SMYD3: variants seen among roughly 807,000 people sequenced by gnomAD.
SMYD3 encodes the protein histone-lysine N-methyltransferase SMYD3.
In SMYD3, 36 loss-of-function variants were observed where a neutral mutation model predicts 57.7. That is an observed-to-expected ratio of 0.62 (90% confidence interval 0.48 to 0.82). The LOEUF is 0.82. Among genes scored for constraint, SMYD3 ranks in the 40% least tolerant of loss-of-function variants. The pLI is 0.00. For synonymous variants in SMYD3, 211 were observed against 195.0 expected (o/e 1.08, Z -0.68); for missense variants, 515 against 538.8 (o/e 0.96, Z 0.44).
At chr1:246,306,712 G>C (rs1335116197) in intron 5 of SMYD3, among the ~76,000 whole-genome samples, 1 of 152,084 alleles carries the variant, frequency 6.6e-6, no homozygotes, top group Non-Finnish European at 1.5e-5. Flanking sequence ...AAGCAAACTC[G>C]CTCAGATAAG....
intron 5 of SMYD3, among the ~76,000 whole-genome samples, chr1:246,317,962 T>C (rs1287486978): frequency 2.0e-5 from 3 of 152,204 alleles, no homozygotes; most frequent in Admixed American, 6.5e-5. Flanking sequence ...TTGAAGAACT[T>C]AGTATAATGG....
intron 5 of SMYD3, among the ~76,000 whole-genome samples, chr1:245,999,384 C>T (rs1184798634): frequency 1.3e-5 from 2 of 152,120 alleles, no homozygotes; most frequent in Admixed American, 1.3e-4. Context: ...ACTTGTATAA[C>T]CTTCATGGGA....
intron 5 of SMYD3, among the ~76,000 whole-genome samples, chr1:245,971,240 T>G (rs2058292401): frequency 1.3e-5 from 2 of 152,164 alleles, no homozygotes; most frequent in South Asian, 4.1e-4. Context: ...AAGTGGGAGT[T>G]GCACAATGAG....
intron 1 of SMYD3, among the ~76,000 whole-genome samples, chr1:246,457,198 T>G (rs1402505374): frequency 6.6e-6 from 1 of 151,644 alleles, no homozygotes; most frequent in Non-Finnish European, 1.5e-5. Flanking sequence ...TTTCGAGAGG[T>G]GAATGTTCAA....
At chr1:246,491,557 A>AG (rs2068272201) in intron 1 of SMYD3, among the ~76,000 whole-genome samples, 5 of 146,804 alleles carry the variant, frequency 3.4e-5, no homozygotes, top group East Asian at 1.9e-4. Context: ...AAAAAAAAAA[A>AG]AAAGAGAGAG....
chr1:246,251,186 G>C (rs530802713), intron 5 of SMYD3, among the ~76,000 whole-genome samples: 22 of 152,206 alleles, frequency 1.4e-4, no homozygotes, highest in African/African-American at 5.1e-4. Flanking sequence ...GTTGGGAGCA[G>C]GGGTTGTGTT....
At chr1:246,208,705 G>A (rs914153110) in intron 5 of SMYD3, among the ~76,000 whole-genome samples, 2 of 152,120 alleles carry the variant, frequency 1.3e-5, no homozygotes, top group South Asian at 2.1e-4. Context: ...ATAAAAATGC[G>A]TGACTATTTA....
At chr1:246,055,615 A>T (rs1042529914) in intron 5 of SMYD3, among the ~76,000 whole-genome samples, 4 of 152,250 alleles carry the variant, frequency 2.6e-5, no homozygotes, top group Admixed American at 6.5e-5. Flanking sequence ...ATATGCATCA[A>T]CAGATGAATG....
chr1:246,265,801 G>A (rs1242612999), intron 5 of SMYD3, among the ~76,000 whole-genome samples: 1 of 152,194 alleles, frequency 6.6e-6, no homozygotes, highest in Non-Finnish European at 1.5e-5. Context: ...TACTCCCGCA[G>A]TGCTTGCTTT....
chr1:246,129,859 T>A (rs772957683), intron 5 of SMYD3, among the ~76,000 whole-genome samples: 9 of 152,146 alleles, frequency 5.9e-5, no homozygotes, highest in Non-Finnish European at 1.2e-4. Context: ...ACTCACTAAA[T>A]TTGTGCATAG....
At chr1:246,276,542 G>T (rs1269775251) in intron 5 of SMYD3, among the ~76,000 whole-genome samples, 2 of 151,304 alleles carry the variant, frequency 1.3e-5, no homozygotes, top group South Asian at 2.1e-4. Context: ...ATTAACACTG[G>T]CAAGTTATTT....
chr1:245,898,944 AT>A (rs1467600106), intron 8 of SMYD3, among the ~76,000 whole-genome samples: 2 of 152,290 alleles, frequency 1.3e-5, no homozygotes, highest in East Asian at 3.9e-4. Flanking sequence ...GGTAAGTTTT[AT>A]TTTTTTCCAG....
At chr1:245,904,581 G>A (rs1262497541) in intron 8 of SMYD3, among the ~76,000 whole-genome samples, 1 of 152,126 alleles carries the variant, frequency 6.6e-6, no homozygotes, top group Non-Finnish European at 1.5e-5. Flanking sequence ...CAATCCCAGA[G>A]GTCCGAACTT....
chr1:245,980,274 C>G (rs1053306227), intron 5 of SMYD3, among the ~76,000 whole-genome samples: 12 of 152,200 alleles, frequency 7.9e-5, no homozygotes, highest in African/African-American at 2.9e-4. Context: ...CACTTTTGCT[C>G]TCCTTGCACA....
chr1:245,815,163 C>G (rs1281699394), intron 10 of SMYD3, among the ~76,000 whole-genome samples: 1 of 152,228 alleles, frequency 6.6e-6, no homozygotes, highest in Non-Finnish European at 1.5e-5. Flanking sequence ...TGCTTTTACA[C>G]TCATGGCCCC....
chr1:245,995,478 A>T (rs1316983434), intron 5 of SMYD3, among the ~76,000 whole-genome samples: 1 of 152,264 alleles, frequency 6.6e-6, no homozygotes, highest in Non-Finnish European at 1.5e-5. Flanking sequence ...TGTTTGGTAA[A>T]TATTTACAGA....
At chr1:245,931,287 G>A (rs766626765) in intron 5 of SMYD3, among the ~76,000 whole-genome samples, 1 of 152,206 alleles carries the variant, frequency 6.6e-6, no homozygotes, top group Non-Finnish European at 1.5e-5. Context: ...TATAGCCCAG[G>A]TGATAGACAA....
rs577887377 is a variant in SMYD3 at position 246,507,232 on chromosome 1, G to C, written c.-15C>G. On this transcript the variant is annotated 5_prime_UTR_variant, in exon 1 of 12. Coordinates refer to ENST00000490107, the MANE Select transcript of SMYD3 (RefSeq NM_001167740.2). Reference sequence around the variant, plus strand: ...AGCGGCTCCATCCTCCCGCAGCTCCGGCACCTCAGACGGCTACCCGCGTCC... The same window carrying C: ...AGCGGCTCCATCCTCCCGCAGCTCCCGCACCTCAGACGGCTACCCGCGTCC... 3 of 1,509,128 alleles carry C rather than the reference G, an allele frequency of 2.0e-6. No homozygotes were observed. The highest frequency in any genetic ancestry group is 1.3e-5 in the South Asian group (1 of 79,890). The allele number at this position is 1,509,128 out of a possible 1,614,324, so 93.5% of individuals were successfully genotyped here.
intron 5 of SMYD3, among the ~76,000 whole-genome samples, chr1:246,117,353 G>C (rs987451195): frequency 1.1e-4 from 17 of 152,164 alleles, no homozygotes; most frequent in African/African-American, 4.1e-4. Flanking sequence ...GGGCTTTCTA[G>C]TTGGTTTCTC....
Sources: gnomAD v4.1 joint callset for allele counts (sites outside exome capture counted in the v4.1 genomes callset) on GRCh38, gnomAD v4.1.1 for gene constraint, MANE v1.5 for transcripts, NCBI Gene and HGNC (gene_info 2026-07-23, HGNC 2026-07-21) for gene names.